The following ZNF536 variants were observed in gnomAD, a reference collection of about 807,000 sequenced individuals.
ZNF536 encodes zinc finger protein 536.
In ZNF536, 13 loss-of-function variants were observed where a neutral mutation model predicts 84.5. The ratio of observed to expected loss-of-function variants is 0.15; its 90% CI spans 0.10 to 0.24. The LOEUF is 0.24. Among genes scored for constraint, ZNF536 ranks in the 10% least tolerant of loss-of-function variants. The probability of loss-of-function intolerance (pLI) is 1.00; values close to 1 mark genes in which losing one functional copy is unlikely to be tolerated. For synonymous variants in ZNF536, 811 were observed against 742.5 expected (o/e 1.09, Z -1.50); for missense variants, 1,536 against 1,747.5 (o/e 0.88, Z 2.16).
At chr19:30,641,715 T>C (rs1356012947) in intron 1 of ZNF536, among the ~76,000 whole-genome samples, 1 of 152,160 alleles carries the variant, frequency 6.6e-6, no homozygotes, top group African/African-American at 2.4e-5. Flanking sequence ...TTTATATCCT[T>C]TTTCACTTAA....
chr19:30,646,542 G>A (rs2049477407), intron 1 of ZNF536, among the ~76,000 whole-genome samples: 1 of 152,192 alleles, frequency 6.6e-6, no homozygotes, highest in East Asian at 1.9e-4. Flanking sequence ...TGTACGTGTG[G>A]ATGTGTGACT....
rs550308091 is a variant in ZNF536 at position 30,374,929 on chromosome 19, C to A, written c.-3+2373C>A. On this transcript the variant is annotated intron_variant, in intron 1 of 4. Transcript: ENST00000355537. ...GCGCCCCATTCACGAGCAGGCAGCC[C>A]TGGCAGAGGGTTAATTGAGGATCAT... Among the ~76,000 whole-genome samples, 221 of 151,940 alleles carry A rather than the reference C, an allele frequency of 1.5e-3. 1 individual carries two copies. The highest frequency in any genetic ancestry group is 5.1e-3 in the African/African-American group (212 of 41,530).
intron 1 of ZNF536, among the ~76,000 whole-genome samples, chr19:30,594,731 C>A (rs1294623362): frequency 6.6e-6 from 1 of 152,022 alleles, no homozygotes; most frequent in African/African-American, 2.4e-5. Context: ...TCCTCCCTCC[C>A]CACTCTTCTC....
intron 1 of ZNF536, among the ~76,000 whole-genome samples, chr19:30,252,082 TCAAA>T (rs1262416611): frequency 6.6e-6 from 1 of 152,002 alleles, no homozygotes; most frequent in Non-Finnish European, 1.5e-5. Context: ...TACAATGAAC[TCAAA>T]CAAATTAGCA....
Position 30,464,669 on chromosome 19 carries a change from C to T in ZNF536, c.2170+18937C>T, listed in dbSNP as rs74851117. 3.7e-3 allele frequency among the ~76,000 whole-genome samples: 566 copies of T among 151,984 alleles called. 2 individuals carry two copies. Among genetic ancestry groups the T allele is most frequent in the African/African-American group, 0.013 (525 of 41,440 alleles). On this transcript the variant is annotated intron_variant, in intron 2 of 4. Transcript: ENST00000355537. ...CTTTTTTGGTTAGTGGTTGATGACA[C>T]GCTGTCATCTCCAGGAAGTAGGTCC... is the stretch of plus-strand genomic sequence containing the variant.
At chr19:30,489,213 A>G (rs897703345) in intron 2 of ZNF536, among the ~76,000 whole-genome samples, 1 of 152,242 alleles carries the variant, frequency 6.6e-6, no homozygotes, top group Non-Finnish European at 1.5e-5. Flanking sequence ...CAAAAGACAG[A>G]AACCAGCCAT....
At chr19:30,412,561 T>C (rs936821300) in intron 1 of ZNF536, among the ~76,000 whole-genome samples, 2 of 152,072 alleles carry the variant, frequency 1.3e-5, no homozygotes, top group African/African-American at 2.4e-5. Context: ...ATTTCACTAA[T>C]ATTTTATTTG....
chr19:30,581,118 T>A (rs2146669591), intron 1 of ZNF536, among the ~76,000 whole-genome samples: 1 of 152,348 alleles, frequency 6.6e-6, no homozygotes, highest in African/African-American at 2.4e-5. Flanking sequence ...AAACTACTTA[T>A]TTAGAAAAAG....
At chr19:30,667,292 G>T (rs1006105457) in intron 1 of ZNF536, among the ~76,000 whole-genome samples, 11 of 152,294 alleles carry the variant, frequency 7.2e-5, no homozygotes, top group Non-Finnish European at 1.3e-4. Flanking sequence ...AGGAGCAATC[G>T]CCTGTCCCAG....
At chr19:30,416,289 A>AT (rs200146840) in intron 1 of ZNF536, among the ~76,000 whole-genome samples, 3,266 of 132,280 alleles carry the variant, frequency 0.025, 54 homozygotes, top group African/African-American at 0.049. Context: ...TGTCCTCTGA[A>AT]TTTTTTTTTT....
chr19:30,557,300 G>C lies in ZNF536; in HGVS notation c.*136G>C. 2 of 997,632 alleles carry C rather than the reference G, an allele frequency of 2.0e-6. No individual in the cohort carries two copies. The highest frequency in any genetic ancestry group is 2.1e-4 in the Middle Eastern group (1 of 4,686). 61.8% of individuals were successfully genotyped at this position (997,632 alleles called of 1,614,324 possible). ...TATGTGTGTTGAATAATTACTATTGGCATAGGTATGTGTATACACACGGTG... is the reference window on the plus strand; with the variant it reads ...TATGTGTGTTGAATAATTACTATTGCCATAGGTATGTGTATACACACGGTG... On this transcript the variant is annotated 3_prime_UTR_variant, in exon 5 of 5. Transcript: ENST00000355537.
intron 1 of ZNF536, among the ~76,000 whole-genome samples, chr19:30,421,941 C>G (rs753568669): frequency 6.6e-6 from 1 of 152,078 alleles, no homozygotes; most frequent in Non-Finnish European, 1.5e-5. Context: ...GCAAGTGATA[C>G]AAATTTCCAT....
chr19:30,652,197 T>C (rs148972553), intron 1 of ZNF536, among the ~76,000 whole-genome samples: 2 of 152,352 alleles, frequency 1.3e-5, no homozygotes, highest in African/African-American at 4.8e-5. Flanking sequence ...CCATTGCAAT[T>C]ATGTGACCAG....
At chr19:30,415,328 TTCC>T (rs1369473316) in intron 1 of ZNF536, among the ~76,000 whole-genome samples, 1 of 147,504 alleles carries the variant, frequency 6.8e-6, no homozygotes, top group Non-Finnish European at 1.5e-5. Context: ...CTTCTTCTTC[TTCC>T]TCTTCTTCTT....
intron 1 of ZNF536, among the ~76,000 whole-genome samples, chr19:30,250,473 C>A (rs2024544414): frequency 6.6e-6 from 1 of 152,158 alleles, no homozygotes; most frequent in South Asian, 2.1e-4. Context: ...GTCTCTCTGG[C>A]ATCGTGTGTC....
chr19:30,421,463 C>T lies in ZNF536; in HGVS notation c.-2-22098C>T, dbSNP rs1013009633. On this transcript the variant is annotated intron_variant, in intron 1 of 4. Coordinates refer to ENST00000355537, the MANE Select transcript of ZNF536 (RefSeq NM_014717.3). The stretch of plus-strand genomic sequence containing the variant: ...AGTGCAGTGGCACAATCAGAGCTCA[C>T]TGTAGCCTCCCAGTTCCTGGCCTCC... 2.6e-5 allele frequency among the ~76,000 whole-genome samples: 4 copies of T among 152,278 alleles called. No individual in the cohort carries two copies. The South Asian group carries it at 8.3e-4, about 32-fold the overall frequency.
upstream of ZNF536, among the ~76,000 whole-genome samples, chr19:30,225,809 C>G (rs1022876681): frequency 2.0e-5 from 3 of 150,880 alleles, no homozygotes; most frequent in Non-Finnish European, 3.0e-5. Context: ...TTGGCGCGGC[C>G]CCCCCGTCCC....
At chr19:30,382,694 G>A (rs112533030) in intron 1 of ZNF536, among the ~76,000 whole-genome samples, 1 of 152,228 alleles carries the variant, frequency 6.6e-6, no homozygotes, top group Non-Finnish European at 1.5e-5. Context: ...AGGAAGTATG[G>A]CTTGGCTTGG....
intron 2 of ZNF536, among the ~76,000 whole-genome samples, chr19:30,328,108 G>A (rs1228219033): frequency 6.6e-6 from 1 of 152,178 alleles, no homozygotes; most frequent in Non-Finnish European, 1.5e-5. Flanking sequence ...CTCTGATGAT[G>A]ATCATGACTC....
Sources: gnomAD v4.1 joint callset for allele counts (sites outside exome capture counted in the v4.1 genomes callset) on GRCh38, gnomAD v4.1.1 for gene constraint, MANE v1.5 for transcripts, NCBI Gene and HGNC (gene_info 2026-07-23, HGNC 2026-07-21) for gene names.